The following IGFBP7 variants were observed in gnomAD, a reference collection of about 807,000 sequenced individuals.
IGFBP7 encodes the protein insulin like growth factor binding protein 7, also known as insulin-like growth factor-binding protein 7.
Under a neutral mutation model 29.4 loss-of-function variants are expected in IGFBP7, and 31 were observed. The ratio of observed to expected loss-of-function variants is 1.05; its 90% CI spans 0.79 to 1.42. IGFBP7 has a LOEUF of 1.42. Among genes scored for constraint, IGFBP7 ranks in the 40% most tolerant of loss-of-function variants. The probability of loss-of-function intolerance (pLI) is 0.00; values close to 1 mark genes in which losing one functional copy is unlikely to be tolerated. For missense variants in IGFBP7, 393 were observed against 395.5 expected, an observed-to-expected ratio of 0.99 and a Z score of 0.05; for synonymous variants, 172 against 174.9, an observed-to-expected ratio of 0.98 and a Z score of 0.13.
At chr4:57,041,431 T>C (rs1398349593) in intron 1 of IGFBP7, among the ~76,000 whole-genome samples, 1 of 152,162 alleles carries the variant, frequency 6.6e-6, no homozygotes, top group Non-Finnish European at 1.5e-5. Flanking sequence ...CTCAAGAAGC[T>C]TAGGATCTAA....
chr4:57,076,170 G>A (rs1360118466), intron 1 of IGFBP7, among the ~76,000 whole-genome samples: 1 of 151,922 alleles, frequency 6.6e-6, no homozygotes, highest in Non-Finnish European at 1.5e-5. Flanking sequence ...TGGAAAGAGA[G>A]ATCATCTTTC....
intron 1 of IGFBP7, chr4:57,073,071 C>T (rs1725097532): frequency 6.6e-7 from 1 of 1,507,160 alleles, no homozygotes; most frequent in African/African-American, 1.4e-5. Context: ...AAACCCCCCA[C>T]AGCTTTTAAG....
At chr4:57,062,270 G>A (rs911890548) in intron 1 of IGFBP7, among the ~76,000 whole-genome samples, 3 of 152,098 alleles carry the variant, frequency 2.0e-5, no homozygotes, top group African/African-American at 7.2e-5. Context: ...AAGAACTGTA[G>A]GCCAAACTAG....
At chr4:57,055,537 C>A (rs1036439753) in intron 1 of IGFBP7, among the ~76,000 whole-genome samples, 3 of 152,088 alleles carry the variant, frequency 2.0e-5, no homozygotes, top group Admixed American at 6.5e-5. Context: ...CCAGTATTCA[C>A]GGAGAATTGA....
intron 1 of IGFBP7, among the ~76,000 whole-genome samples, chr4:57,096,384 C>T (rs773221186): frequency 7.3e-5 from 11 of 151,214 alleles, no homozygotes; most frequent in Non-Finnish European, 1.5e-4. Context: ...TGAAGCATCC[C>T]AAAAAGTGAC....
intron 2 of IGFBP7, among the ~76,000 whole-genome samples, chr4:57,037,190 C>T (rs1724102135): frequency 6.6e-6 from 1 of 152,102 alleles, no homozygotes; most frequent in African/African-American, 2.4e-5. Context: ...TCATGGTCTG[C>T]AGTGTAAGAA....
intron 1 of IGFBP7, among the ~76,000 whole-genome samples, chr4:57,063,687 T>C (rs1278865500): frequency 1.3e-5 from 2 of 152,188 alleles, no homozygotes; most frequent in African/African-American, 2.4e-5. Flanking sequence ...AGTGCAGAGA[T>C]TTTGATTAAC....
At chr4:57,081,896 T>A (rs1485338509) in intron 1 of IGFBP7, among the ~76,000 whole-genome samples, 1 of 152,210 alleles carries the variant, frequency 6.6e-6, no homozygotes, top group East Asian at 1.9e-4. Context: ...TCACCCTGCC[T>A]TCCTGGTCCT....
At position 57,030,962 on chromosome 4, in the gene IGFBP7, A is replaced by G; in HGVS notation, c.*355T>C. 2.5e-6 allele frequency: 4 copies of G among 1,598,052 alleles called. No homozygotes were observed. The highest frequency in any genetic ancestry group is 3.4e-6 in the Non-Finnish European group (4 of 1,165,296). On this transcript the variant is annotated 3_prime_UTR_variant, in exon 5 of 5. Transcript: ENST00000295666. ...GTTTCAGGAACTTATGTCTATGAGT[A>G]TTGCACCGCGAATGATGAGTGTTTA... is the stretch of plus-strand genomic sequence containing the variant.
intron 1 of IGFBP7, among the ~76,000 whole-genome samples, chr4:57,075,648 T>TA (rs1464376328): frequency 8.4e-5 from 5 of 59,608 alleles, no homozygotes; most frequent in Admixed American, 2.3e-4. Context: ...AGCAAAAACA[T>TA]TAAAAAAATA....
At chr4:57,082,178 T>C (rs1332867614) in intron 1 of IGFBP7, among the ~76,000 whole-genome samples, 1 of 152,144 alleles carries the variant, frequency 6.6e-6, no homozygotes, top group Non-Finnish European at 1.5e-5. Flanking sequence ...GGAGGTCCTT[T>C]GGGGTCAAGA....
chr4:57,067,272 G>A (rs1466175592), intron 1 of IGFBP7, among the ~76,000 whole-genome samples: 2 of 152,236 alleles, frequency 1.3e-5, no homozygotes, highest in East Asian at 3.9e-4. Flanking sequence ...ACCCCAAAAC[G>A]TAAGCCTTAA....
chr4:57,059,186 G>A (rs1274813849), intron 1 of IGFBP7, among the ~76,000 whole-genome samples: 1 of 152,176 alleles, frequency 6.6e-6, no homozygotes, highest in African/African-American at 2.4e-5. Context: ...AAGCAGTATG[G>A]CGACTCCTCA....
At chr4:57,103,332 C>T (rs1335510804) in intron 1 of IGFBP7, among the ~76,000 whole-genome samples, 1 of 152,202 alleles carries the variant, frequency 6.6e-6, no homozygotes, top group East Asian at 1.9e-4. Context: ...CGTCTCAGCT[C>T]CTTAAGGGGT....
intron 1 of IGFBP7, among the ~76,000 whole-genome samples, chr4:57,099,852 C>A (rs1390416176): frequency 6.6e-6 from 1 of 151,842 alleles, no homozygotes; most frequent in Non-Finnish European, 1.5e-5. Context: ...ACACCTCAGC[C>A]TCCCAAGTAG....
chr4:57,081,652 C>A (rs1022120683), intron 1 of IGFBP7, among the ~76,000 whole-genome samples: 6 of 151,944 alleles, frequency 3.9e-5, no homozygotes, highest in African/African-American at 1.5e-4. Context: ...CAAGCAGAAG[C>A]TGAGCAAGGA....
intron 2 of IGFBP7, among the ~76,000 whole-genome samples, chr4:57,038,452 GC>G (rs1307176340): frequency 2.0e-5 from 3 of 152,140 alleles, no homozygotes; most frequent in Non-Finnish European, 4.4e-5. Context: ...GCTGGATCCC[GC>G]CCCGCTTTTT....
chr4:57,081,289 C>A (rs58967770), intron 1 of IGFBP7, among the ~76,000 whole-genome samples: 1 of 151,914 alleles, frequency 6.6e-6, no homozygotes, highest in Non-Finnish European at 1.5e-5. Context: ...GCTATGGGTT[C>A]TAAGTCTGAA....
intron 1 of IGFBP7, among the ~76,000 whole-genome samples, chr4:57,056,925 G>A (rs1724687842): frequency 6.6e-6 from 1 of 152,098 alleles, no homozygotes; most frequent in South Asian, 2.1e-4. Context: ...TTTGAGTTTT[G>A]TTTTTTATTT....
Sources: gnomAD v4.1 joint callset for allele counts (sites outside exome capture counted in the v4.1 genomes callset) on GRCh38, gnomAD v4.1.1 for gene constraint, MANE v1.5 for transcripts, NCBI Gene and HGNC (gene_info 2026-07-23, HGNC 2026-07-21) for gene names.